MYO18A: variants seen among roughly 807,000 people sequenced by gnomAD.
MYO18A encodes unconventional myosin-XVIIIa.
A neutral mutation model predicts 235.8 loss-of-function variants in MYO18A; 78 were observed. The observed-to-expected ratio is 0.33, with a 90% CI of 0.28 to 0.40. The LOEUF (loss-of-function observed/expected upper bound fraction) is 0.40, where lower values mean the gene tolerates loss of function less well. Ranked by LOEUF, MYO18A falls within the 10% of genes least tolerant of loss-of-function variation. The probability of loss-of-function intolerance (pLI) is 1.00; values close to 1 mark genes in which losing one functional copy is unlikely to be tolerated. For missense variants in MYO18A, 2,215 were observed against 2,699.3 expected (o/e 0.82, Z 3.98); for synonymous variants, 977 against 1,077.8 (o/e 0.91, Z 1.83).
chr17:29,103,555 G>A (rs1331343546), intron 21 of MYO18A, 44 bp downstream of exon 21: 1 of 1,599,406 alleles, frequency 6.3e-7, no homozygotes, highest in Non-Finnish European at 8.6e-7. Context: ...CCTGACAGGG[G>A]CCCCTGGAGT....
rs1475635197 is a variant in MYO18A, at chr17:29,121,744, G to T, written c.1195-21C>A. The T allele has an allele frequency of 2.5e-6, 4 of 1,576,962 alleles. No individual in the cohort carries two copies. Among genetic ancestry groups the T allele is most frequent in the Non-Finnish European group, 3.4e-6 (4 of 1,159,436 alleles). On this transcript the variant is annotated intron_variant, in intron 4 of 41. Transcript: ENST00000527372. This position sits in a 1 kb window ranked among gnomAD's most constrained non-coding sequence, Gnocchi z 4.2. ...TTAGCCTGTGTGGGAGGACAGGCGG[G>T]TGGGTATTAGAGCAGCAGAGCCCAT...
intron 34 of MYO18A, chr17:29,091,704 G>A (rs1304911308): frequency 1.1e-5 from 5 of 454,306 alleles, no homozygotes; most frequent in Non-Finnish European, 2.2e-5. Context: ...CAGCAGCTAG[G>A]TGACTAGCTC....
chr17:29,124,521 G>A, intron 2 of MYO18A: 2 of 572,850 alleles, frequency 3.5e-6, no homozygotes, highest in Non-Finnish European at 4.9e-6. Context: ...CAGGGTGGGA[G>A]CCTGGAGGGG....
chr17:29,080,562 G>A, intron 41 of MYO18A: 1 of 986,028 alleles, frequency 1.0e-6, no homozygotes, highest in Admixed American at 6.1e-5. Context: ...TGTCGAGCCG[G>A]GAGGTGCTGC....
intron 37 of MYO18A, among the ~76,000 whole-genome samples, chr17:29,088,089 TG>T (rs200961330): frequency 0.013 from 1,837 of 146,518 alleles, 46 homozygotes; most frequent in African/African-American, 0.044. Flanking sequence ...GGAGTGTCGC[TG>T]TCGCCCAGGC....
Position 29,110,112 on chromosome 17 carries a change from G to GA in MYO18A, c.3088-12dup. On this transcript the variant is annotated splice_polypyrimidine_tract_variant and intron_variant, in intron 18 of 41. Transcript: ENST00000527372. ...GTCGATGAGGGCGTCCTGCCGAGGG[G>GA]AAGAGACTGCCCTCAGTGGGCTCTG... 1 of 1,607,112 alleles carries GA rather than the reference G, an allele frequency of 6.2e-7. No individual in the cohort carries two copies. Among genetic ancestry groups the GA allele is most frequent in the Non-Finnish European group, 8.5e-7 (1 of 1,179,026 alleles).
intron 2 of MYO18A, among the ~76,000 whole-genome samples, chr17:29,159,262 T>C (rs35892819): frequency 0.079 from 11,950 of 151,922 alleles, 624 homozygotes; most frequent in South Asian, 0.17. Flanking sequence ...TACTCCACAA[T>C]AGACAATCCC....
Position 29,120,844 on chromosome 17 carries a change from T to C in MYO18A, c.1586-86A>G, listed in dbSNP as rs2067180562. On this transcript the variant is annotated intron_variant, in intron 6 of 41. Coordinates refer to ENST00000527372, the MANE Select transcript of MYO18A (RefSeq NM_078471.4). This position sits in a 1 kb window ranked among gnomAD's most constrained non-coding sequence, Gnocchi z 4.2. ...GGAGCTACCCCAGAGGTATGAAGGC[T>C]TGGGGCCATTCAGACCAGAACTGCC... is the stretch of plus-strand genomic sequence containing the variant. 1.3e-6 allele frequency: 2 copies of C among 1,569,134 alleles called. No homozygotes were observed. Among genetic ancestry groups the C allele is most frequent in the African/African-American group, 1.4e-5 (1 of 73,992 alleles).
At chr17:29,129,146 T>A in intron 2 of MYO18A, 2 of 1,285,948 alleles carry the variant, frequency 1.6e-6, no homozygotes, top group Non-Finnish European at 2.0e-6. Flanking sequence ...CAGGGAGCTC[T>A]TCCTGGCCCC....
At chr17:29,178,450 A>G (rs1044332307) in intron 1 of MYO18A, among the ~76,000 whole-genome samples, 3 of 135,916 alleles carry the variant, frequency 2.2e-5, no homozygotes, top group African/African-American at 8.4e-5. Flanking sequence ...CCCTCAACAC[A>G]ATAGCTGCCC....
rs773410576 is a variant in MYO18A at position 29,122,215 on chromosome 17, C to G, written c.1038G>C (p.Trp346Cys). 6.2e-7 allele frequency: 1 copy of G among 1,613,584 alleles called. No individual in the cohort carries two copies. ...CCAGCCACACCTTCTCCGTCTCATTCCAGGCCTCTTCTGCTGCAATCTGTT... is the reference window on the plus strand; with the variant it reads ...CCAGCCACACCTTCTCCGTCTCATTGCAGGCCTCTTCTGCTGCAATCTGTT... ...TEEQIAAEEAWNETEKVWLVH... is the reference protein window; with the variant it reads ...TEEQIAAEEACNETEKVWLVH... Residue 346 changes from tryptophan (W) to cysteine (C), a missense_variant, in exon 3 of 42, where the codon TGG becomes TGC. By Grantham distance (215) the Trp-to-Cys change is radical. Transcript: ENST00000527372.
chr17:29,166,402 G>T lies in MYO18A; in HGVS notation c.539C>A (p.Pro180His). The T allele has an allele frequency of 6.2e-7, 1 of 1,613,816 alleles. No individual in the cohort carries two copies. Among genetic ancestry groups the T allele is most frequent in the Non-Finnish European group, 8.5e-7 (1 of 1,179,896 alleles). ...CCCTGGTCGAGGGATGCCTGGGCCA[G>T]GATGCTGCACCAGCTGTCCCTCTAG... ...RTLEGQLVQH[P>H]GPGIPRPGHR... Residue 180 changes from proline (P) to histidine (H), a missense_variant, in exon 2 of 42, where the codon CCT becomes CAT. Pro to His is a moderately conservative substitution (Grantham distance 77, BLOSUM62 -2). Coordinates refer to ENST00000527372, the MANE Select transcript of MYO18A (RefSeq NM_078471.4).
chr17:29,167,638 C>T (rs2068312101), intron 1 of MYO18A, among the ~76,000 whole-genome samples: 1 of 150,970 alleles, frequency 6.6e-6, no homozygotes, highest in Non-Finnish European at 1.5e-5. Flanking sequence ...CCCAGGAGGT[C>T]GAGGTTGCAG....
chr17:29,096,120 G>C (rs868165955), intron 28 of MYO18A, among the ~76,000 whole-genome samples: 5 of 152,316 alleles, frequency 3.3e-5, no homozygotes, highest in African/African-American at 1.2e-4. Flanking sequence ...TGGGTGTGGG[G>C]ATACCCCTTC....
In MYO18A at chr17:29,117,689, C is replaced by T. The variant is rs1224088155; in HGVS notation, c.2038+356G>A. Among the ~76,000 whole-genome samples, 1 of 152,148 alleles carries T rather than the reference C, an allele frequency of 6.6e-6. No homozygotes were observed. The highest frequency in any genetic ancestry group is 1.5e-5 in the Non-Finnish European group (1 of 68,020). ...CCAAGGGCGGGGCCAAGGTCAGTTA[C>T]CCGCTTGCTCCTCGGGGGCCTCTGT... is the stretch of plus-strand genomic sequence containing the variant. On this transcript the variant is annotated intron_variant, in intron 10 of 41. Transcript: ENST00000527372. The surrounding 1 kb of genome is among the most constrained non-coding windows in gnomAD (Gnocchi z 4.6).
At chr17:29,176,721 GCTGAGCT>G (rs1390573325) in intron 1 of MYO18A, 2 of 152,278 alleles carry the variant, frequency 1.3e-5, no homozygotes, top group East Asian at 3.8e-4. Flanking sequence ...GGCCGGCTGT[GCTGAGCT>G]CCGCAGCGCC....
intron 24 of MYO18A, 25 bp from the exon 25 acceptor site, chr17:29,098,249 C>T (rs1454859256): frequency 1.2e-6 from 2 of 1,613,678 alleles, no homozygotes; most frequent in African/African-American, 1.3e-5. Flanking sequence ...AGGGAGTCAC[C>T]ACCAGTTGAA....
chr17:29,175,364 CTT>C (rs34825590), intron 1 of MYO18A, among the ~76,000 whole-genome samples: 25 of 132,930 alleles, frequency 1.9e-4, no homozygotes, highest in Admixed American at 3.0e-4. Flanking sequence ...TTTATTTCAT[CTT>C]TTTTTTTTTT....
chr17:29,139,948 G>A (rs1236817875), intron 2 of MYO18A, among the ~76,000 whole-genome samples: 1 of 152,160 alleles, frequency 6.6e-6, no homozygotes, highest in Non-Finnish European at 1.5e-5. Flanking sequence ...GGTGCTGTGG[G>A]GCTGGGGCTT....
Sources: allele counts gnomAD v4.1 joint callset (sites outside exome capture counted in the v4.1 genomes callset), GRCh38; gene constraint gnomAD v4.1.1; non-coding constraint Gnocchi (gnomAD v3.1); transcripts MANE v1.5; gene names NCBI Gene and HGNC (gene_info 2026-07-23, HGNC 2026-07-21).